NEK6: variants seen among roughly 807,000 people sequenced by gnomAD.
NEK6 encodes the protein serine/threonine-protein kinase Nek6.
In NEK6, 27 loss-of-function variants were observed where a neutral mutation model predicts 43.5. That is an observed-to-expected ratio of 0.62 (90% confidence interval 0.46 to 0.86). The LOEUF is 0.86. Ranked by LOEUF, NEK6 falls within the 40% of genes least tolerant of loss-of-function variation. The pLI is 0.00. For synonymous variants in NEK6, 167 were observed against 164.1 expected, an observed-to-expected ratio of 1.02 and a Z score of -0.14; for missense variants, 318 against 414.4, an observed-to-expected ratio of 0.77 and a Z score of 2.02.
In NEK6 at chr9:124,327,379, G is replaced by A. The variant is rs775352569; in HGVS notation, c.556G>A (p.Val186Met). The part of the protein sequence containing the change: ...ANVFITATGV[V>M]KLGDLGLGRF... ...CGTGTTCATCACAGCCACGGGCGTC[G>A]TGAAGCTCGGTGACCTTGGTCTGGG... Residue 186 changes from valine (V) to methionine (M), a missense_variant, in exon 7 of 10, where the codon GTG becomes ATG. By Grantham distance (21) the Val-to-Met change is conservative (BLOSUM62 1). Coordinates refer to ENST00000320246, the MANE Select transcript of NEK6 (RefSeq NM_014397.6). 1.2e-5 allele frequency: 20 copies of A among 1,613,828 alleles called. No homozygotes were observed. Among genetic ancestry groups the A allele is most frequent in the Admixed American group, 5.0e-5 (3 of 60,018 alleles).
At position 124,351,717 on chromosome 9, in the gene NEK6, C is replaced by T. The variant is rs1313879098; in HGVS notation, c.*770C>T. On this transcript the variant is annotated 3_prime_UTR_variant, in exon 10 of 10. Transcript: ENST00000320246. ...GAAGGAAGCATGGGATATAGAAAAG[C>T]GAAGGGCTGTCCTTTACAAATTCTG... 2.0e-5 allele frequency: 3 copies of T among 152,166 alleles called. No individual in the cohort carries two copies. The highest frequency in any genetic ancestry group is 1.9e-4 in the East Asian group (1 of 5,198). 9.4% of individuals were successfully genotyped at this position (152,166 alleles called of 1,614,324 possible).
intron 6 of NEK6, among the ~76,000 whole-genome samples, chr9:124,327,032 G>A (rs137867210): frequency 6.7e-4 from 102 of 152,284 alleles, no homozygotes; most frequent in African/African-American, 2.4e-3. Flanking sequence ...TCCTGTGTGC[G>A]AGGCACTGTT....
At chr9:124,315,264 G>A (rs192795060) in intron 4 of NEK6, among the ~76,000 whole-genome samples, 34 of 152,342 alleles carry the variant, frequency 2.2e-4, no homozygotes, top group African/African-American at 6.0e-4. Flanking sequence ...AATCTGGAAG[G>A]CCGAAGTGAG....
At chr9:124,257,820 C>A, upstream of NEK6, 1 of 1,197,528 alleles carries the variant, frequency 8.4e-7, no homozygotes, top group Non-Finnish European at 1.1e-6. Flanking sequence ...GGGGTCCAGG[C>A]CCAGGAAGGA....
In NEK6 at chr9:124,343,377, C is replaced by T. The variant is rs1564663009; in HGVS notation, c.717+3712C>T. Among the ~76,000 whole-genome samples, 1 of 152,080 alleles carries T rather than the reference C, an allele frequency of 6.6e-6. No homozygotes were observed. On this transcript the variant is annotated intron_variant, in intron 8 of 9. Coordinates refer to ENST00000320246, the MANE Select transcript of NEK6 (RefSeq NM_014397.6). The surrounding 1 kb of genome is among the most constrained non-coding windows in gnomAD (Gnocchi z 5.1). ...TCAGCAGTAGGAAGTGAATGAAACA[C>T]AGCAGTCAAGCCCTGAGGGGATTAG... is the stretch of plus-strand genomic sequence containing the variant.
chr9:124,313,729 G>A (rs1394632234), intron 3 of NEK6, among the ~76,000 whole-genome samples, 194 bp from the exon 4 acceptor site: 1 of 151,226 alleles, frequency 6.6e-6, no homozygotes, highest in Non-Finnish European at 1.5e-5. Context: ...GCCACGATGG[G>A]TTTTGTGGTG....
At chr9:124,319,307 T>G (rs560669130) in intron 4 of NEK6, among the ~76,000 whole-genome samples, 6 of 150,762 alleles carry the variant, frequency 4.0e-5, no homozygotes, top group African/African-American at 9.9e-5. Flanking sequence ...TTTTAATGTT[T>G]TGTTTTTTTT....
intron 1 of NEK6, among the ~76,000 whole-genome samples, chr9:124,269,859 T>G (rs1215994143): frequency 6.6e-6 from 1 of 152,120 alleles, no homozygotes. Flanking sequence ...CATATAAGTG[T>G]CCTGTGGCCC....
At chr9:124,341,707 TG>T (rs895531791) in intron 8 of NEK6, among the ~76,000 whole-genome samples, 14 of 150,896 alleles carry the variant, frequency 9.3e-5, no homozygotes, top group African/African-American at 3.4e-4. Context: ...CTGGGTGGGT[TG>T]GGGCGGCGAG....
rs1830317913 is a variant in NEK6, at chr9:124,352,361, A to T, written c.*1414A>T. The T allele has an allele frequency of 6.6e-6, 1 of 152,216 alleles. No homozygotes were observed. The highest frequency in any genetic ancestry group is 1.5e-5 in the Non-Finnish European group (1 of 68,044). 9.4% of individuals were successfully genotyped at this position (152,216 alleles called of 1,614,324 possible). On this transcript the variant is annotated 3_prime_UTR_variant, in exon 10 of 10. Transcript: ENST00000320246. The stretch of plus-strand genomic sequence containing the variant: ...TCAGCCCGACAGTCTCTCCATATGC[A>T]GCCTTTCCTCTGTACTTTTCTCCAT...
At chr9:124,325,008 C>A (rs1398606503) in intron 5 of NEK6, among the ~76,000 whole-genome samples, 4 of 152,118 alleles carry the variant, frequency 2.6e-5, no homozygotes, top group African/African-American at 9.7e-5. Context: ...AACCCCATCT[C>A]TACTAAAAAT....
intron 9 of NEK6, among the ~76,000 whole-genome samples, chr9:124,350,184 CA>C (rs1475315003): frequency 3.3e-5 from 5 of 152,234 alleles, no homozygotes; most frequent in African/African-American, 4.8e-5. Context: ...AAATGGAAAC[CA>C]ATGGCTGTGA....
At chr9:124,299,417 T>G (rs2119116728) in intron 1 of NEK6, among the ~76,000 whole-genome samples, 1 of 152,340 alleles carries the variant, frequency 6.6e-6, no homozygotes, top group South Asian at 2.1e-4. Flanking sequence ...CATTCTGCTC[T>G]CTCTCATATT....
intron 5 of NEK6, among the ~76,000 whole-genome samples, chr9:124,323,795 A>G (rs1834192015): frequency 6.6e-6 from 1 of 152,122 alleles, no homozygotes; most frequent in Non-Finnish European, 1.5e-5. Context: ...ACATGGGGGC[A>G]TTCTATCCAG....
At position 124,327,378 on chromosome 9, in the gene NEK6, C is replaced by G. The variant is rs1290681997; in HGVS notation, c.555C>G (p.Val185=). The change falls in exon 7 of 10, where the codon GTC becomes GTG. Residue 185 remains valine (V), a synonymous_variant. Coordinates refer to ENST00000320246, the MANE Select transcript of NEK6 (RefSeq NM_014397.6). ...ACGTGTTCATCACAGCCACGGGCGT[C>G]GTGAAGCTCGGTGACCTTGGTCTGG... ...PANVFITATG[V]VKLGDLGLGR... The G allele has an allele frequency of 6.2e-7, 1 of 1,613,924 alleles. No homozygotes were observed. The highest frequency in any genetic ancestry group is 8.5e-7 in the Non-Finnish European group (1 of 1,180,014).
chr9:124,284,965 C>G (rs374976593), intron 1 of NEK6, among the ~76,000 whole-genome samples: 1 of 152,210 alleles, frequency 6.6e-6, no homozygotes, highest in Non-Finnish European at 1.5e-5. Flanking sequence ...GACCCAAATA[C>G]GTGGTGCAGT....
chr9:124,304,187 A>C (rs1256339579), intron 2 of NEK6, among the ~76,000 whole-genome samples: 1 of 152,196 alleles, frequency 6.6e-6, no homozygotes, highest in East Asian at 1.9e-4. Context: ...GGAAAGGGGG[A>C]CTTTCTCCTC....
chr9:124,308,813 A>G (rs1236921257), intron 2 of NEK6, among the ~76,000 whole-genome samples: 2 of 152,134 alleles, frequency 1.3e-5, no homozygotes, highest in East Asian at 3.9e-4. Context: ...ACTAATCACC[A>G]ACATCATCTC....
chr9:124,346,547 G>A (rs989620075), intron 8 of NEK6, among the ~76,000 whole-genome samples: 8 of 152,270 alleles, frequency 5.3e-5, no homozygotes, highest in Middle Eastern at 3.4e-3. Context: ...GAGGGCACTC[G>A]CCCGACGGCA....
Sources: allele counts gnomAD v4.1 joint callset (sites outside exome capture counted in the v4.1 genomes callset), GRCh38; gene constraint gnomAD v4.1.1; non-coding constraint Gnocchi (gnomAD v3.1); transcripts MANE v1.5; gene names NCBI Gene and HGNC (gene_info 2026-07-23, HGNC 2026-07-21).